Variants in LMX1A observed in about 807,000 individuals in gnomAD.
LMX1A encodes LIM homeobox transcription factor 1-alpha.
Under a neutral mutation model 49.1 loss-of-function variants are expected in LMX1A, and 15 were observed. The observed-to-expected ratio is 0.31, with a 90% CI of 0.20 to 0.47. The LOEUF (loss-of-function observed/expected upper bound fraction) is 0.47. Among genes scored for constraint, LMX1A ranks in the 20% least tolerant of loss-of-function variants. The pLI, the probability that LMX1A is intolerant of heterozygous loss-of-function variation, is 1.00. For missense variants in LMX1A, 372 were observed against 475.8 expected (o/e 0.78, Z 2.03); for synonymous variants, 167 against 185.7 (o/e 0.90, Z 0.82).
intron 3 of LMX1A, among the ~76,000 whole-genome samples, chr1:165,316,942 A>G (rs1655247664): frequency 6.6e-6 from 1 of 152,210 alleles, no homozygotes; most frequent in African/African-American, 2.4e-5. Context: ...GATCCAGTTC[A>G]GTGAGAATGA....
intron 3 of LMX1A, among the ~76,000 whole-genome samples, chr1:165,312,119 A>C (rs567991387): frequency 5.9e-5 from 9 of 152,218 alleles, no homozygotes; most frequent in Non-Finnish European, 1.2e-4. Flanking sequence ...CCTGGACTCT[A>C]TTTTAGCAGT....
chr1:165,302,634 G>T (rs1308996504), intron 3 of LMX1A, among the ~76,000 whole-genome samples: 1 of 152,078 alleles, frequency 6.6e-6, no homozygotes, highest in Non-Finnish European at 1.5e-5. Context: ...AACCATCTGT[G>T]CCTAAACAAT....
intron 3 of LMX1A, among the ~76,000 whole-genome samples, chr1:165,275,810 G>T (rs1003419224): frequency 2.0e-5 from 3 of 151,306 alleles, no homozygotes; most frequent in Admixed American, 1.3e-4. Flanking sequence ...TCATGCCTCT[G>T]GTTTCTAGAG....
intron 8 of LMX1A, among the ~76,000 whole-genome samples, chr1:165,204,866 G>T (rs1651008983): frequency 6.6e-6 from 1 of 152,218 alleles, no homozygotes; most frequent in South Asian, 2.1e-4. Context: ...TTCTAAGGAA[G>T]CCAAGAGGGT....
At chr1:165,276,217 T>C (rs1653963115) in intron 3 of LMX1A, among the ~76,000 whole-genome samples, 1 of 152,214 alleles carries the variant, frequency 6.6e-6, no homozygotes, top group South Asian at 2.1e-4. Flanking sequence ...AAAGCTTCTC[T>C]ACCTTTTCCT....
chr1:165,312,191 C>T (rs1469076221), intron 3 of LMX1A, among the ~76,000 whole-genome samples: 2 of 152,010 alleles, frequency 1.3e-5, no homozygotes, highest in Non-Finnish European at 2.9e-5. Context: ...GGTTGAAAAC[C>T]AGGGCCATGA....
chr1:165,268,696 T>G (rs377055330), intron 3 of LMX1A, among the ~76,000 whole-genome samples: 1 of 152,210 alleles, frequency 6.6e-6, no homozygotes, highest in Non-Finnish European at 1.5e-5. Flanking sequence ...GTAATTAACC[T>G]CTCTGAGCCT....
chr1:165,265,849 G>T (rs1653604389), intron 3 of LMX1A, among the ~76,000 whole-genome samples: 2 of 152,216 alleles, frequency 1.3e-5, no homozygotes, highest in African/African-American at 4.8e-5. Context: ...ACAACTTAAA[G>T]TTCATGACCA....
intron 3 of LMX1A, among the ~76,000 whole-genome samples, chr1:165,340,987 G>A (rs1656057235): frequency 1.3e-5 from 2 of 152,028 alleles, no homozygotes; most frequent in Non-Finnish European, 2.9e-5. Flanking sequence ...CTCTTGCCTA[G>A]ACTATAGCAA....
chr1:165,253,120 A>C (rs1186556847), intron 3 of LMX1A, among the ~76,000 whole-genome samples: 2 of 152,232 alleles, frequency 1.3e-5, no homozygotes, highest in Non-Finnish European at 2.9e-5. Context: ...TAGGCACAAG[A>C]GGATACAAGA....
chr1:165,346,741 C>A (rs866252969), intron 3 of LMX1A, among the ~76,000 whole-genome samples: 4 of 152,152 alleles, frequency 2.6e-5, no homozygotes, highest in African/African-American at 7.2e-5. Flanking sequence ...GAAACTTAAT[C>A]CCTATCCTAA....
At position 165,349,057 on chromosome 1, in the gene LMX1A, C is replaced by T. The variant is rs111356275; in HGVS notation, c.263+4019G>A. On this transcript the variant is annotated intron_variant, in intron 3 of 8. Coordinates refer to ENST00000342310, the MANE Select transcript of LMX1A (RefSeq NM_177398.4). Reference sequence around the variant, plus strand: ...ACAGCAATACTATCCCACACTGCTCCTAGGATGTCCAGAGCAATCCAAGCG... The same window carrying T: ...ACAGCAATACTATCCCACACTGCTCTTAGGATGTCCAGAGCAATCCAAGCG... Among the ~76,000 whole-genome samples the T allele has an allele frequency of 4.1e-4, 63 of 152,278 alleles. 1 individual carries two copies. The highest frequency in any genetic ancestry group is 1.3e-3 in the African/African-American group (55 of 41,554).
At chr1:165,291,533 G>A (rs1488870667) in intron 3 of LMX1A, among the ~76,000 whole-genome samples, 1 of 152,158 alleles carries the variant, frequency 6.6e-6, no homozygotes, top group African/African-American at 2.4e-5. Context: ...TCTGAGTACA[G>A]CCAGAAGTGC....
chr1:165,352,147 T>G (rs936620272), intron 3 of LMX1A, among the ~76,000 whole-genome samples: 1 of 152,222 alleles, frequency 6.6e-6, no homozygotes, highest in African/African-American at 2.4e-5. Flanking sequence ...TCCTTACACC[T>G]CCTAAGCTCC....
At chr1:165,207,943 G>A (rs1325002890) in intron 7 of LMX1A, 120 bp downstream of exon 7, 3 of 758,456 alleles carry the variant, frequency 4.0e-6, no homozygotes. Flanking sequence ...TTCTCCAGTG[G>A]GTGTGGTCTA....
chr1:165,343,572 A>G (rs1656148087), intron 3 of LMX1A, among the ~76,000 whole-genome samples: 1 of 152,220 alleles, frequency 6.6e-6, no homozygotes, highest in South Asian at 2.1e-4. Flanking sequence ...TGTTGACAAT[A>G]GGACATGCGT....
At position 165,355,860 on chromosome 1, in the gene LMX1A, A is replaced by T; in HGVS notation, c.-22-279T>A. The T allele has an allele frequency of 2.3e-6, 1 of 432,866 alleles. No homozygotes were observed. The highest frequency in any genetic ancestry group is 4.2e-6 in the Non-Finnish European group (1 of 240,344). The allele number at this position is 432,866 out of a possible 1,614,324, so 26.8% of individuals were successfully genotyped here. A position where few individuals can be genotyped will look rare whatever the true frequency, so the allele number is the denominator to read the frequency against. ...TCTCCTGCCCCCCTCACCCCCACCTACATCCCTTGCCCCAGGTTTTCCATC... is the reference window on the plus strand; with the variant it reads ...TCTCCTGCCCCCCTCACCCCCACCTTCATCCCTTGCCCCAGGTTTTCCATC... On this transcript the variant is annotated intron_variant, in intron 1 of 8. Coordinates refer to ENST00000342310, the MANE Select transcript of LMX1A (RefSeq NM_177398.4). The surrounding 1 kb of genome is among the most constrained non-coding windows in gnomAD (Gnocchi z 4.7).
intron 3 of LMX1A, among the ~76,000 whole-genome samples, chr1:165,307,562 G>A (rs1654954716): frequency 6.6e-6 from 1 of 152,208 alleles, no homozygotes; most frequent in Non-Finnish European, 1.5e-5. Flanking sequence ...ATGCCTAGAA[G>A]GGATTCTGGG....
At chr1:165,314,953 C>T (rs1198782420) in intron 3 of LMX1A, among the ~76,000 whole-genome samples, 1 of 152,166 alleles carries the variant, frequency 6.6e-6, no homozygotes. Context: ...ACACCAACAC[C>T]CCAGAGGCTC....
Sources: allele counts gnomAD v4.1 joint callset (sites outside exome capture counted in the v4.1 genomes callset), GRCh38; gene constraint gnomAD v4.1.1; non-coding constraint Gnocchi (gnomAD v3.1); transcripts MANE v1.5; gene names NCBI Gene and HGNC (gene_info 2026-07-23, HGNC 2026-07-21).